The following FIP1L1 variants were observed in gnomAD, a reference collection of about 807,000 sequenced individuals.
FIP1L1 encodes factor interacting with PAPOLA and CPSF1, also known as pre-mRNA 3'-end-processing factor FIP1.
FIP1L1 carries 21 observed loss-of-function variants against 84.6 expected under a neutral mutation model. The ratio of observed to expected loss-of-function variants is 0.25; its 90% CI spans 0.18 to 0.36. The LOEUF is 0.36. FIP1L1 is among the 10% of genes least tolerant of loss of function. The pLI is 1.00. For missense variants in FIP1L1, 526 were observed against 751.1 expected, an observed-to-expected ratio of 0.70 and a Z score of 3.50; for synonymous variants, 263 against 242.3, an observed-to-expected ratio of 1.09 and a Z score of -0.80.
At chr4:53,382,177 T>C in intron 3 of FIP1L1, 101 bp from the exon 4 acceptor site, 1 of 785,960 alleles carries the variant, frequency 1.3e-6, no homozygotes, top group South Asian at 1.8e-5. Flanking sequence ...GTGGAGACAA[T>C]AATTTTAGGA....
chr4:53,442,742 A>T, intron 14 of FIP1L1, 35 bp downstream of exon 14: 1 of 1,278,160 alleles, frequency 7.8e-7, no homozygotes, highest in Non-Finnish European at 1.1e-6. Flanking sequence ...TTGATCATTG[A>T]TAGCCTTTTG....
intron 10 of FIP1L1, among the ~76,000 whole-genome samples, chr4:53,411,436 A>G (rs1257649097): frequency 6.6e-6 from 1 of 152,202 alleles, no homozygotes; most frequent in Non-Finnish European, 1.5e-5. Context: ...TCCATTTGAT[A>G]AAAAGGATAC....
At position 53,453,033 on chromosome 4, in the gene FIP1L1, A is replaced by C. The variant is rs1716979169; in HGVS notation, c.1399A>C (p.Arg467=). 1 of 1,612,870 alleles carries C rather than the reference A, an allele frequency of 6.2e-7. No homozygotes were observed. Among genetic ancestry groups the C allele is most frequent in the Admixed American group, 1.7e-5 (1 of 60,004 alleles). Residue 467 remains arginine (R), a synonymous_variant, in exon 16 of 18, where the codon AGA becomes CGA. Transcript: ENST00000337488. ...REKDRDRERD[R]DRERDRDRDR... is the part of the protein sequence containing the mutation. Reference sequence around the variant, plus strand: ...GAAAGACCGAGATAGAGAGAGAGACAGAGACAGAGAGCGAGACCGTGATCG... The same window carrying C: ...GAAAGACCGAGATAGAGAGAGAGACCGAGACAGAGAGCGAGACCGTGATCG...
At chr4:53,410,089 C>T (rs1454950736) in intron 10 of FIP1L1, among the ~76,000 whole-genome samples, 4 of 152,212 alleles carry the variant, frequency 2.6e-5, no homozygotes, top group African/African-American at 4.8e-5. Flanking sequence ...GCGTCGCTCA[C>T]GCTGGGAGCT....
At chr4:53,454,533 T>C (rs1271165381) in intron 16 of FIP1L1, among the ~76,000 whole-genome samples, 8 of 152,194 alleles carry the variant, frequency 5.3e-5, no homozygotes, top group Admixed American at 5.2e-4. Flanking sequence ...AGTATTACTA[T>C]TGTTAGGAAA....
chr4:53,448,751 C>G (rs1198767354), intron 15 of FIP1L1, among the ~76,000 whole-genome samples: 1 of 152,100 alleles, frequency 6.6e-6, no homozygotes, highest in Non-Finnish European at 1.5e-5. Context: ...GGAATTCATA[C>G]CTTTACAGCA....
intron 13 of FIP1L1, among the ~76,000 whole-genome samples, chr4:53,432,878 CTT>C (rs1038534464): frequency 2.7e-5 from 4 of 149,674 alleles, no homozygotes; most frequent in Admixed American, 1.3e-4. Flanking sequence ...GTCCTAGAAA[CTT>C]TTTTTTTTAA....
At chr4:53,438,612 A>G (rs1407376564) in intron 13 of FIP1L1, among the ~76,000 whole-genome samples, 1 of 152,204 alleles carries the variant, frequency 6.6e-6, no homozygotes, top group Non-Finnish European at 1.5e-5. Context: ...AGACCTATAA[A>G]TGACATGGTT....
chr4:53,437,662 G>A (rs1176706418), intron 13 of FIP1L1, among the ~76,000 whole-genome samples: 1 of 151,780 alleles, frequency 6.6e-6, no homozygotes, highest in Non-Finnish European at 1.5e-5. Flanking sequence ...TGTTTTAAGA[G>A]ACTCTCCAGG....
chr4:53,380,797 GTGAT>G (rs1430015630), intron 3 of FIP1L1, among the ~76,000 whole-genome samples: 3 of 152,134 alleles, frequency 2.0e-5, no homozygotes, highest in Non-Finnish European at 4.4e-5. Context: ...TGTTATGAAA[GTGAT>G]TGAATATTTC....
intron 16 of FIP1L1, among the ~76,000 whole-genome samples, chr4:53,454,177 A>C (rs1293158035): frequency 6.6e-6 from 1 of 152,208 alleles, no homozygotes; most frequent in Non-Finnish European, 1.5e-5. Context: ...TGGTCTCATA[A>C]GATTACAATA....
At chr4:53,439,547 T>C (rs1160730066) in intron 13 of FIP1L1, among the ~76,000 whole-genome samples, 1 of 152,070 alleles carries the variant, frequency 6.6e-6, no homozygotes, top group Non-Finnish European at 1.5e-5. Context: ...AACAATTCTG[T>C]TTCTTTTTTT....
At chr4:53,412,792 G>A (rs1174806298) in intron 10 of FIP1L1, among the ~76,000 whole-genome samples, 8 of 152,042 alleles carry the variant, frequency 5.3e-5, no homozygotes, top group Admixed American at 5.2e-4. Context: ...TTTGTGGAAA[G>A]GCTAAATATC....
intron 15 of FIP1L1, among the ~76,000 whole-genome samples, chr4:53,451,483 T>G (rs1044196253): frequency 1.3e-5 from 2 of 151,966 alleles, no homozygotes; most frequent in Non-Finnish European, 2.9e-5. Flanking sequence ...TCCACCTACA[T>G]CTTCGTCAAG....
At chr4:53,410,668 G>A (rs921398386) in intron 10 of FIP1L1, among the ~76,000 whole-genome samples, 4 of 152,048 alleles carry the variant, frequency 2.6e-5, no homozygotes, top group South Asian at 2.1e-4. Flanking sequence ...GAAATAAAAC[G>A]AGAAATGCCC....
intron 11 of FIP1L1, among the ~76,000 whole-genome samples, chr4:53,419,762 A>G (rs1761341067): frequency 1.3e-5 from 2 of 152,090 alleles, no homozygotes; most frequent in South Asian, 4.1e-4. Context: ...CTTAAATGTG[A>G]TGTACTTGTA....
chr4:53,389,383 T>G (rs1384365581), intron 5 of FIP1L1, among the ~76,000 whole-genome samples: 1 of 152,238 alleles, frequency 6.6e-6, no homozygotes, highest in Non-Finnish European at 1.5e-5. Flanking sequence ...TTAGCCTTAT[T>G]TCTTGTGAAG....
intron 9 of FIP1L1, 58 bp downstream of exon 9, chr4:53,391,556 C>G: frequency 8.4e-7 from 1 of 1,195,730 alleles, no homozygotes; most frequent in Non-Finnish European, 1.2e-6. Flanking sequence ...AGTCTGCTCC[C>G]ATGCCACTAC....
chr4:53,429,532 TTAA>T (rs1765670391), intron 13 of FIP1L1, among the ~76,000 whole-genome samples: 1 of 152,196 alleles, frequency 6.6e-6, no homozygotes, highest in Non-Finnish European at 1.5e-5. Flanking sequence ...GTAGAAATAA[TTAA>T]TGTTTCAACA....
Sources: gnomAD v4.1 joint callset for allele counts (sites outside exome capture counted in the v4.1 genomes callset) on GRCh38, gnomAD v4.1.1 for gene constraint, MANE v1.5 for transcripts, NCBI Gene and HGNC (gene_info 2026-07-23, HGNC 2026-07-21) for gene names.